Variants in STPG2 observed in about 807,000 individuals in gnomAD.
STPG2 encodes sperm-tail PG-rich repeat-containing protein 2.
Under a neutral mutation model 54.2 loss-of-function variants are expected in STPG2, and 56 were observed. That is an observed-to-expected ratio of 1.03 (90% CI 0.83 to 1.29). The LOEUF (loss-of-function observed/expected upper bound fraction) is 1.29. Ranked by LOEUF, STPG2 falls within the 50% of genes most tolerant of loss-of-function variation. The pLI is 0.00. For synonymous variants in STPG2, 200 were observed against 181.8 expected (o/e 1.10, Z -0.81); for missense variants, 596 against 544.9 (o/e 1.09, Z -0.93).
At chr4:97,993,494 G>A (rs1735088452) in intron 5 of STPG2, among the ~76,000 whole-genome samples, 2 of 151,660 alleles carry the variant, frequency 1.3e-5, no homozygotes, top group Non-Finnish European at 2.9e-5. Flanking sequence ...TTTTGTTGAG[G>A]ATTTTTGCAT....
chr4:97,608,630 A>AG (rs564731695), intron 10 of STPG2, among the ~76,000 whole-genome samples: 2 of 152,022 alleles, frequency 1.3e-5, no homozygotes, highest in South Asian at 2.1e-4. Flanking sequence ...CACTGACCAG[A>AG]GTGGGCTGGG....
At chr4:98,103,143 C>G (rs1001200984) in intron 5 of STPG2, among the ~76,000 whole-genome samples, 3 of 151,782 alleles carry the variant, frequency 2.0e-5, no homozygotes, top group Non-Finnish European at 2.9e-5. Context: ...ATTTCATTAT[C>G]TTTTTAATTA....
chr4:97,494,942 C>T (rs1457607668), intron 4 of STPG2, among the ~76,000 whole-genome samples: 3 of 151,170 alleles, frequency 2.0e-5, no homozygotes, highest in Non-Finnish European at 4.4e-5. Flanking sequence ...TTAAACCACA[C>T]CTATTGCTGA....
chr4:98,033,479 A>G (rs1736667777), intron 5 of STPG2, among the ~76,000 whole-genome samples: 1 of 152,100 alleles, frequency 6.6e-6, no homozygotes, highest in Non-Finnish European at 1.5e-5. Context: ...CCAACCAAAA[A>G]ATGTCCAGGA....
chr4:97,714,717 T>G (rs1422303224), intron 9 of STPG2, among the ~76,000 whole-genome samples: 2 of 152,016 alleles, frequency 1.3e-5, no homozygotes, highest in Non-Finnish European at 1.5e-5. Flanking sequence ...GGAAAATATA[T>G]CATCGACCAT....
intron 5 of STPG2, among the ~76,000 whole-genome samples, chr4:98,066,416 C>T (rs933435997): frequency 6.6e-6 from 1 of 152,022 alleles, no homozygotes; most frequent in Non-Finnish European, 1.5e-5. Flanking sequence ...TGGTGAAACT[C>T]CATCTCTAAT....
chr4:98,124,400 T>C (rs915139108), intron 3 of STPG2, among the ~76,000 whole-genome samples: 1 of 152,188 alleles, frequency 6.6e-6, no homozygotes, highest in Non-Finnish European at 1.5e-5. Context: ...AGCATTTGAT[T>C]GTCTGTAAAG....
intron 9 of STPG2, among the ~76,000 whole-genome samples, chr4:97,737,366 AC>A (rs1204845142): frequency 2.0e-5 from 3 of 152,252 alleles, no homozygotes; most frequent in African/African-American, 7.2e-5. Context: ...ACGGAGAATG[AC>A]TTTGACGAGT....
chr4:97,916,683 C>G (rs1437430327), intron 8 of STPG2: 1 of 152,992 alleles, frequency 6.5e-6, no homozygotes, highest in Non-Finnish European at 1.5e-5. Flanking sequence ...CTCCTCCCAC[C>G]ATGTTGATGG....
rs531690019 is a variant in STPG2, at chr4:97,580,025, A to C, written c.1321-20908T>G. Among the ~76,000 whole-genome samples, 4 of 152,120 alleles carry C rather than the reference A, an allele frequency of 2.6e-5. No individual in the cohort carries two copies. In the South Asian group the frequency reaches 8.3e-4, roughly 32 times the overall value. On this transcript the variant is annotated intron_variant, in intron 10 of 10. Transcript: ENST00000295268. The stretch of plus-strand genomic sequence containing the variant: ...AGCTTGGATTGACAGCTTACTCATG[A>C]TCTTCATCACTCTGGTAAATATATT...
chr4:97,909,444 C>A (rs1731592417), intron 8 of STPG2, among the ~76,000 whole-genome samples: 1 of 152,102 alleles, frequency 6.6e-6, no homozygotes, highest in Non-Finnish European at 1.5e-5. Flanking sequence ...AAACAGGCAA[C>A]ACTTACCAAC....
chr4:97,797,772 C>T lies in STPG2; in HGVS notation c.1204+43001G>A, dbSNP rs1418533719. Among the ~76,000 whole-genome samples, 41 of 152,140 alleles carry T rather than the reference C, an allele frequency of 2.7e-4. 1 individual carries two copies. Among genetic ancestry groups the T allele is most frequent in the Admixed American group, 2.7e-3 (41 of 15,274 alleles). ...GTTTCAGAAGGAATGGTACCAGCTC[C>T]TCCTTGTACCTTTGGTAGAATTCGG... On this transcript the variant is annotated intron_variant, in intron 9 of 10. Coordinates refer to ENST00000295268, the MANE Select transcript of STPG2 (RefSeq NM_174952.3).
intron 5 of STPG2, among the ~76,000 whole-genome samples, chr4:98,035,873 A>G (rs1234517027): frequency 1.3e-5 from 2 of 151,964 alleles, no homozygotes; most frequent in African/African-American, 2.4e-5. Flanking sequence ...GCATGTTCTC[A>G]CTCAGAAGTG....
At chr4:97,742,564 TGTCTA>T (rs1725290805) in intron 9 of STPG2, among the ~76,000 whole-genome samples, 1 of 129,028 alleles carries the variant, frequency 7.8e-6, no homozygotes, top group Non-Finnish European at 1.7e-5. Flanking sequence ...TGTGTGTGTG[TGTCTA>T]TATATATATG....
chr4:97,881,825 A>C (rs949306573), intron 8 of STPG2, among the ~76,000 whole-genome samples: 5 of 152,124 alleles, frequency 3.3e-5, no homozygotes, highest in Non-Finnish European at 7.4e-5. Context: ...CACAATCTCC[A>C]AATCTGTTCA....
At chr4:97,575,551 GC>G (rs1732702467) in intron 10 of STPG2, among the ~76,000 whole-genome samples, 1 of 151,982 alleles carries the variant, frequency 6.6e-6, no homozygotes, top group Non-Finnish European at 1.5e-5. Context: ...TGCAGAAAAA[GC>G]TTTTGATAAA....
At chr4:97,541,894 G>T (rs1731716437) in intron 4 of STPG2, among the ~76,000 whole-genome samples, 1 of 152,180 alleles carries the variant, frequency 6.6e-6, no homozygotes, top group Admixed American at 6.5e-5. Context: ...TTAACAAATG[G>T]TGATGGGAAA....
intron 10 of STPG2, among the ~76,000 whole-genome samples, chr4:97,571,933 A>G (rs1732611988): frequency 6.6e-6 from 1 of 152,184 alleles, no homozygotes; most frequent in South Asian, 2.1e-4. Context: ...CTTGATTAGT[A>G]ACTATCCAAG....
At chr4:98,067,189 G>A (rs1737860744) in intron 5 of STPG2, among the ~76,000 whole-genome samples, 1 of 152,076 alleles carries the variant, frequency 6.6e-6, no homozygotes. Context: ...CTTACACAGT[G>A]GAAAATTAAA....
Sources: gnomAD v4.1 joint callset for allele counts (sites outside exome capture counted in the v4.1 genomes callset) on GRCh38, gnomAD v4.1.1 for gene constraint, MANE v1.5 for transcripts, NCBI Gene and HGNC (gene_info 2026-07-23, HGNC 2026-07-21) for gene names.